The following MKX variants were observed in gnomAD, a reference collection of about 807,000 sequenced individuals.
The protein encoded by MKX is mohawk homeobox.
MKX carries 13 observed loss-of-function variants against 36.0 expected under a neutral mutation model. The observed-to-expected ratio is 0.36, with a 90% CI of 0.24 to 0.57. The LOEUF (loss-of-function observed/expected upper bound fraction) is 0.57. Among genes scored for constraint, MKX ranks in the 20% least tolerant of loss-of-function variants. MKX has a pLI of 0.79. For synonymous variants in MKX, 176 were observed against 178.3 expected (o/e 0.99, Z 0.10); for missense variants, 458 against 456.4 (o/e 1.00, Z -0.03).
At chr10:27,685,040 A>G (rs1268921249) in intron 5 of MKX, among the ~76,000 whole-genome samples, 3 of 152,192 alleles carry the variant, frequency 2.0e-5, no homozygotes. Context: ...TGACAGCACC[A>G]CCACCCTTAT....
At chr10:27,690,344 T>A (rs1343074015) in intron 5 of MKX, among the ~76,000 whole-genome samples, 3 of 150,528 alleles carry the variant, frequency 2.0e-5, no homozygotes, top group African/African-American at 7.5e-5. Context: ...CACTCCAGCC[T>A]GGGCGACAGA....
intron 5 of MKX, among the ~76,000 whole-genome samples, chr10:27,691,055 C>T (rs1209815152): frequency 6.6e-6 from 1 of 152,166 alleles, no homozygotes; most frequent in Non-Finnish European, 1.5e-5. Context: ...TTGTACATTT[C>T]CCGAGGCCTC....
intron 5 of MKX, among the ~76,000 whole-genome samples, chr10:27,686,784 T>C (rs1836363761): frequency 6.6e-6 from 1 of 151,964 alleles, no homozygotes; most frequent in Non-Finnish European, 1.5e-5. Flanking sequence ...GCCAACTCTT[T>C]TCCAAAAATA....
chr10:27,729,024 C>A (rs1428120614), intron 5 of MKX, among the ~76,000 whole-genome samples: 1 of 152,188 alleles, frequency 6.6e-6, no homozygotes, highest in African/African-American at 2.4e-5. Flanking sequence ...TCTTTTTTCT[C>A]TCAATCAAAA....
In MKX at chr10:27,741,254, C is replaced by G; in HGVS notation, c.348+91G>C. The G allele has an allele frequency of 6.6e-7, 1 of 1,513,606 alleles. No individual in the cohort carries two copies. The highest frequency in any genetic ancestry group is 9.0e-7 in the Non-Finnish European group (1 of 1,106,314). 93.8% of individuals were successfully genotyped at this position (1,513,606 alleles called of 1,614,324 possible). A position where few individuals can be genotyped will look rare whatever the true frequency, so the allele number is the denominator to read the frequency against. ...GGCTCCATCCCTCTCCAGGTAGAAGCGCCACGTGGAGAGCCACACGAACTC... is the reference window on the plus strand; with the variant it reads ...GGCTCCATCCCTCTCCAGGTAGAAGGGCCACGTGGAGAGCCACACGAACTC... On this transcript the variant is annotated intron_variant, in intron 3 of 6. Transcript: ENST00000419761. This position sits in a 1 kb window ranked among gnomAD's most constrained non-coding sequence, Gnocchi z 5.1.
At chr10:27,732,998 C>G (rs997274921) in intron 5 of MKX, among the ~76,000 whole-genome samples, 2 of 152,170 alleles carry the variant, frequency 1.3e-5, no homozygotes, top group Non-Finnish European at 2.9e-5. Flanking sequence ...AATCCTCTTG[C>G]CTCTGCCTCC....
intron 5 of MKX, among the ~76,000 whole-genome samples, chr10:27,682,070 G>A (rs1836263908): frequency 6.6e-6 from 1 of 152,296 alleles, no homozygotes; most frequent in South Asian, 2.1e-4. Flanking sequence ...ACATGGAGGT[G>A]GAAGACAGTG....
chr10:27,682,321 A>G (rs1836268503), intron 5 of MKX, among the ~76,000 whole-genome samples: 1 of 152,230 alleles, frequency 6.6e-6, no homozygotes, highest in South Asian at 2.1e-4. Flanking sequence ...GTAAAAAAGT[A>G]ACAGTAAGCT....
chr10:27,743,567 T>G (rs1834971367), intron 1 of MKX, 70 bp from the exon 2 acceptor site: 1 of 855,980 alleles, frequency 1.2e-6, no homozygotes, highest in African/African-American at 1.8e-5. Flanking sequence ...TTCAGGGCCT[T>G]GAACTTGGCC....
At chr10:27,684,215 C>T (rs1328939452) in intron 5 of MKX, among the ~76,000 whole-genome samples, 1 of 151,770 alleles carries the variant, frequency 6.6e-6, no homozygotes, top group Non-Finnish European at 1.5e-5. Context: ...CTTGGAAGGC[C>T]GAGGTGGGAG....
chr10:27,715,484 A>C (rs561314109), intron 5 of MKX, among the ~76,000 whole-genome samples: 1 of 152,336 alleles, frequency 6.6e-6, no homozygotes, highest in African/African-American at 2.4e-5. Flanking sequence ...TTCTAGAATG[A>C]GGAAAGGATT....
At position 27,741,489 on chromosome 10, in the gene MKX, G is replaced by T. The variant is rs374664186; in HGVS notation, c.204C>A (p.Gly68=). The T allele has an allele frequency of 5.0e-6, 8 of 1,593,174 alleles. No homozygotes were observed. The highest frequency in any genetic ancestry group is 2.3e-5 in the East Asian group (1 of 43,828). Residue 68 remains glycine, a synonymous_variant, in exon 3 of 7, where the codon GGC becomes GGA. Transcript: ENST00000419761. This position sits in a 1 kb window ranked among gnomAD's most constrained non-coding sequence, Gnocchi z 5.1. The stretch of plus-strand genomic sequence containing the variant: ...CCTGCCGCTTGTGCCTCACCTTCCC[G>T]CCATTCTGCCGGGCGCTGGGACATG... The part of the protein sequence containing the change: ...RHRRTGARQN[G]GKVRHKRQAL...
At chr10:27,706,580 T>TGC (rs71388926) in intron 5 of MKX, among the ~76,000 whole-genome samples, 1 of 151,210 alleles carries the variant, frequency 6.6e-6, no homozygotes, top group African/African-American at 2.5e-5. Flanking sequence ...TGTGTGTGTG[T>TGC]TTAATAATAG....
At chr10:27,718,506 A>G in intron 5 of MKX, 1 of 367,294 alleles carries the variant, frequency 2.7e-6, no homozygotes, top group Non-Finnish European at 5.4e-6. Context: ...TGCTTGAAGG[A>G]AATATTGGCA....
chr10:27,684,321 GAA>G (rs1490206215), intron 5 of MKX, among the ~76,000 whole-genome samples: 4 of 148,950 alleles, frequency 2.7e-5, no homozygotes, highest in Admixed American at 6.8e-5. Context: ...TCTCAAAAAA[GAA>G]AAAAATATAT....
chr10:27,695,211 C>T (rs1836532404), intron 5 of MKX, among the ~76,000 whole-genome samples: 1 of 152,184 alleles, frequency 6.6e-6, no homozygotes, highest in Non-Finnish European at 1.5e-5. Context: ...ATGTGGTTTG[C>T]ACATGAGTCC....
chr10:27,675,718 A>G (rs1836135264), intron 5 of MKX, among the ~76,000 whole-genome samples, 164 bp from the exon 6 acceptor site: 2 of 152,234 alleles, frequency 1.3e-5, no homozygotes, highest in Non-Finnish European at 2.9e-5. Context: ...AGATGCAAAA[A>G]AAATTGCAAA....
chr10:27,708,867 CA>C (rs1836803909), intron 5 of MKX, among the ~76,000 whole-genome samples: 1 of 151,958 alleles, frequency 6.6e-6, no homozygotes, highest in South Asian at 2.1e-4. Flanking sequence ...AAAAAATAAA[CA>C]ATAAAAAGCA....
chr10:27,692,775 A>G lies in MKX; in HGVS notation c.839-17221T>C, dbSNP rs551784406. Reference sequence around the variant, plus strand: ...AGGCCTGCCTCAAAAAGAACAGAGCATTGTTTTATTATACACTGACATAGT... The same window carrying G: ...AGGCCTGCCTCAAAAAGAACAGAGCGTTGTTTTATTATACACTGACATAGT... On this transcript the variant is annotated intron_variant, in intron 5 of 6. Coordinates refer to ENST00000419761, the MANE Select transcript of MKX (RefSeq NM_173576.3). Among the ~76,000 whole-genome samples the G allele has an allele frequency of 1.0e-3, 152 of 152,326 alleles. 1 individual carries two copies. Among genetic ancestry groups the G allele is most frequent in the African/African-American group, 3.4e-3 (141 of 41,570 alleles).
Sources: gnomAD v4.1 joint callset for allele counts (sites outside exome capture counted in the v4.1 genomes callset) on GRCh38, gnomAD v4.1.1 for gene constraint, Gnocchi (gnomAD v3.1) non-coding constraint, MANE v1.5 for transcripts, NCBI Gene and HGNC (gene_info 2026-07-23, HGNC 2026-07-21) for gene names.